The following KCTD8 variants were observed in gnomAD, a reference collection of about 807,000 sequenced individuals.
KCTD8 encodes potassium channel tetramerization domain containing 8, also known as BTB/POZ domain-containing protein KCTD8.
KCTD8 carries 27 observed loss-of-function variants against 31.5 expected under a neutral mutation model. That is an observed-to-expected ratio of 0.86 (90% CI 0.63 to 1.18). KCTD8 has a LOEUF of 1.18. Ranked by LOEUF, KCTD8 falls within the 50% of genes most tolerant of loss-of-function variation. KCTD8 has a pLI of 0.00. For missense variants in KCTD8, 658 were observed against 647.7 expected (o/e 1.02, Z -0.17); for synonymous variants, 290 against 280.0 (o/e 1.04, Z -0.36).
chr4:44,317,212 T>G (rs1718155517), intron 1 of KCTD8, among the ~76,000 whole-genome samples: 1 of 141,900 alleles, frequency 7.0e-6, no homozygotes, highest in Admixed American at 7.4e-5. Context: ...GTTTATGTAT[T>G]GCCTATGGGT....
At position 44,266,789 on chromosome 4, in the gene KCTD8, G is replaced by C. The variant is rs537489556; in HGVS notation, c.962-91539C>G. ...CTTTAAACCAACAAAGATCAACAGA[G>C]ACAAAGAAGGCCATTACATAATGGT... On this transcript the variant is annotated intron_variant, in intron 1 of 1. Coordinates refer to ENST00000360029, the MANE Select transcript of KCTD8 (RefSeq NM_198353.3). Among the ~76,000 whole-genome samples the C allele has an allele frequency of 2.2e-4, 33 of 152,240 alleles. 1 individual carries two copies. In the East Asian group the frequency reaches 6.2e-3, roughly 29 times the overall value.
chr4:44,178,183 A>G (rs1030960019), intron 1 of KCTD8, among the ~76,000 whole-genome samples: 2 of 152,170 alleles, frequency 1.3e-5, no homozygotes, highest in Admixed American at 6.5e-5. Flanking sequence ...TACTTTCCCC[A>G]TAGGAGCATT....
chr4:44,444,639 T>A (rs1462691600), intron 1 of KCTD8, among the ~76,000 whole-genome samples: 1 of 152,188 alleles, frequency 6.6e-6, no homozygotes, highest in African/African-American at 2.4e-5. Context: ...GATACTGTGA[T>A]AACTCCTGTA....
intron 1 of KCTD8, among the ~76,000 whole-genome samples, chr4:44,429,197 G>C (rs1658814978): frequency 6.6e-6 from 1 of 151,530 alleles, no homozygotes; most frequent in South Asian, 2.1e-4. Context: ...ATCCCTTCTG[G>C]AAAGATTTAA....
chr4:44,255,744 C>T (rs1368648673), intron 1 of KCTD8, among the ~76,000 whole-genome samples: 3 of 151,810 alleles, frequency 2.0e-5, no homozygotes, highest in East Asian at 3.9e-4. Context: ...AAATCCATTA[C>T]AGATGAATTC....
chr4:44,291,585 C>T (rs1197228778), intron 1 of KCTD8, among the ~76,000 whole-genome samples: 2 of 151,706 alleles, frequency 1.3e-5, no homozygotes, highest in Non-Finnish European at 2.9e-5. Context: ...CGGCTAAGTC[C>T]CCAAAAACAA....
chr4:44,222,993 C>T (rs1714850291), intron 1 of KCTD8, among the ~76,000 whole-genome samples: 1 of 152,078 alleles, frequency 6.6e-6, no homozygotes, highest in South Asian at 2.1e-4. Context: ...AATAGAAAAT[C>T]ATTGAATAGT....
At position 44,347,204 on chromosome 4, in the gene KCTD8, C is replaced by T. The variant is rs1181486126; in HGVS notation, c.961+100359G>A. Among the ~76,000 whole-genome samples the T allele has an allele frequency of 2.0e-5, 3 of 152,200 alleles. No individual in the cohort carries two copies. In the East Asian group the frequency reaches 5.8e-4, roughly 29 times the overall value. ...CATTATTTCAAAGCTACTATCATAGCTTATTAAACATGGTAACATCAGCGT... is the reference window on the plus strand; with the variant it reads ...CATTATTTCAAAGCTACTATCATAGTTTATTAAACATGGTAACATCAGCGT... On this transcript the variant is annotated intron_variant, in intron 1 of 1. Transcript: ENST00000360029.
intron 1 of KCTD8, among the ~76,000 whole-genome samples, chr4:44,292,855 T>G (rs1165946911): frequency 6.6e-6 from 1 of 152,126 alleles, no homozygotes. Flanking sequence ...TAATTATGCC[T>G]AAAACTTGTT....
intron 1 of KCTD8, among the ~76,000 whole-genome samples, chr4:44,318,303 A>G (rs1362748870): frequency 6.6e-6 from 1 of 152,158 alleles, no homozygotes; most frequent in African/African-American, 2.4e-5. Context: ...CAATGATAGC[A>G]CACTGCAGCC....
intron 1 of KCTD8, among the ~76,000 whole-genome samples, chr4:44,234,159 C>T (rs1173081056): frequency 6.6e-6 from 1 of 152,118 alleles, no homozygotes; most frequent in East Asian, 1.9e-4. Context: ...CTACATTTTA[C>T]AAGTTAGGAA....
chr4:44,377,893 T>TA (rs1484061972), intron 1 of KCTD8, among the ~76,000 whole-genome samples: 2 of 152,252 alleles, frequency 1.3e-5, no homozygotes, highest in East Asian at 1.9e-4. Context: ...AAGCATTAGA[T>TA]AAAAAATCAT....
chr4:44,284,895 A>G (rs1324899484), intron 1 of KCTD8, among the ~76,000 whole-genome samples: 2 of 152,236 alleles, frequency 1.3e-5, no homozygotes, highest in Non-Finnish European at 2.9e-5. Context: ...TGGTCATTAG[A>G]GAAATGCAAA....
At chr4:44,388,972 C>A (rs996244936) in intron 1 of KCTD8, among the ~76,000 whole-genome samples, 4 of 151,700 alleles carry the variant, frequency 2.6e-5, no homozygotes, top group African/African-American at 9.7e-5. Flanking sequence ...TCATTTGCAA[C>A]TACATGGATG....
At chr4:44,317,165 C>A (rs914175964) in intron 1 of KCTD8, among the ~76,000 whole-genome samples, 3 of 148,316 alleles carry the variant, frequency 2.0e-5, no homozygotes, top group Non-Finnish European at 3.0e-5. Flanking sequence ...GTTAATATAT[C>A]TAACAAAGTT....
At chr4:44,388,761 A>C (rs1560442610) in intron 1 of KCTD8, among the ~76,000 whole-genome samples, 1 of 151,692 alleles carries the variant, frequency 6.6e-6, no homozygotes, top group Non-Finnish European at 1.5e-5. Context: ...TGCTAGGTTT[A>C]ATACCTGGGT....
chr4:44,286,797 A>G (rs541597685), intron 1 of KCTD8, among the ~76,000 whole-genome samples: 123 of 152,252 alleles, frequency 8.1e-4, no homozygotes, highest in African/African-American at 2.9e-3. Context: ...GTAAGGGTAA[A>G]AAAATAGAGG....
chr4:44,419,422 A>G (rs1468961157), intron 1 of KCTD8, among the ~76,000 whole-genome samples: 1 of 152,190 alleles, frequency 6.6e-6, no homozygotes, highest in Non-Finnish European at 1.5e-5. Flanking sequence ...TATGAGTGCA[A>G]GTGTCCTACT....
chr4:44,200,983 C>A (rs997820057), intron 1 of KCTD8, among the ~76,000 whole-genome samples: 2 of 151,866 alleles, frequency 1.3e-5, no homozygotes, highest in Non-Finnish European at 2.9e-5. Flanking sequence ...AATTAGTGTA[C>A]AAAAATCAAT....
Sources: allele counts gnomAD v4.1 joint callset (sites outside exome capture counted in the v4.1 genomes callset), GRCh38; gene constraint gnomAD v4.1.1; transcripts MANE v1.5; gene names NCBI Gene and HGNC (gene_info 2026-07-23, HGNC 2026-07-21).